DCAF6: variants seen among roughly 807,000 people sequenced by gnomAD.
The protein encoded by DCAF6 is DDB1 and CUL4 associated factor 6.
Under a neutral mutation model 125.1 loss-of-function variants are expected in DCAF6, and 54 were observed. The observed-to-expected ratio is 0.43, with a 90% CI of 0.35 to 0.54. DCAF6 has a LOEUF of 0.54. Ranked by LOEUF, DCAF6 falls within the 20% of genes least tolerant of loss-of-function variation. The pLI is 0.01. For missense variants in DCAF6, 934 were observed against 1,161.7 expected (o/e 0.80, Z 2.85); for synonymous variants, 371 against 390.4 (o/e 0.95, Z 0.58).
chr1:167,952,308 C>T (rs1674083540), intron 2 of DCAF6, among the ~76,000 whole-genome samples: 1 of 152,134 alleles, frequency 6.6e-6, no homozygotes, highest in African/African-American at 2.4e-5. Context: ...AGCTCCGCCT[C>T]CCGGGTTCAC....
At chr1:167,948,812 C>T (rs554040638) in intron 1 of DCAF6, among the ~76,000 whole-genome samples, 7 of 152,142 alleles carry the variant, frequency 4.6e-5, no homozygotes, top group South Asian at 2.1e-4. Flanking sequence ...TCACCACACC[C>T]GGCTAATTTT....
intron 7 of DCAF6, among the ~76,000 whole-genome samples, chr1:167,996,956 C>T (rs1012830424): frequency 6.6e-6 from 1 of 152,132 alleles, no homozygotes; most frequent in Non-Finnish European, 1.5e-5. Flanking sequence ...TATTTCTCTC[C>T]ATAACAGTAA....
intron 2 of DCAF6, among the ~76,000 whole-genome samples, chr1:167,954,937 C>T (rs1163625735): frequency 1.3e-5 from 2 of 152,178 alleles, no homozygotes; most frequent in Non-Finnish European, 2.9e-5. Context: ...TCACCCTCAA[C>T]CCCAGTCAAC....
At chr1:168,019,483 G>A in intron 11 of DCAF6, 1 of 438,274 alleles carries the variant, frequency 2.3e-6, no homozygotes, top group African/African-American at 2.0e-5. Context: ...GTCCTAAACA[G>A]GTATGGCAGA....
intron 2 of DCAF6, among the ~76,000 whole-genome samples, chr1:167,960,578 A>G (rs1297581732): frequency 6.6e-6 from 1 of 152,184 alleles, no homozygotes. Context: ...GTGGGATTAC[A>G]GGCACTTTAT....
chr1:167,993,249 A>G lies in DCAF6; in HGVS notation c.712A>G (p.Thr238Ala), dbSNP rs767409390. 6.2e-6 allele frequency: 10 copies of G among 1,614,014 alleles called. No homozygotes were observed. The highest frequency in any genetic ancestry group is 3.3e-5 in the Admixed American group (2 of 60,004). ...ATGNYAGRGT[T>A]GMVARFIPSH... The stretch of plus-strand genomic sequence containing the variant: ...AGGGAATTATGCAGGTCGAGGGACT[A>G]CTGGAATGGTTGCCCGTTTTATTCC... The change falls in exon 7 of 22, where the codon ACT becomes GCT. Residue 238 changes from threonine (T) to alanine (A), a missense_variant. Around this residue, in one of 5 missense-constraint regions of DCAF6, gnomAD observed 309 missense variants for 381.2 expected, o/e 0.81. Coordinates refer to ENST00000367840, the MANE Select transcript of DCAF6 (RefSeq NM_001198956.2).
chr1:167,957,884 A>G (rs947282853), intron 2 of DCAF6, among the ~76,000 whole-genome samples: 2 of 152,130 alleles, frequency 1.3e-5, no homozygotes, highest in Non-Finnish European at 1.5e-5. Context: ...TCTGATGACT[A>G]ATGATGTTGA....
the DCAF6 span, among the ~76,000 whole-genome samples, chr1:167,878,096 C>T: frequency 2.6e-5 from 4 of 152,146 alleles, no homozygotes; most frequent in Admixed American, 6.5e-5. Context: ...AACAATGCCT[C>T]GGCATACAGT....
At chr1:167,928,303 G>A in the DCAF6 span, among the ~76,000 whole-genome samples, 1 of 146,374 alleles carries the variant, frequency 6.8e-6, no homozygotes, top group East Asian at 2.0e-4. Context: ...AGCCGAGATC[G>A]CACCACTGCA....
chr1:168,068,323 A>G, intron 20 of DCAF6, 35 bp from the exon 21 acceptor site: 1 of 1,467,424 alleles, frequency 6.8e-7, no homozygotes, highest in Non-Finnish European at 9.5e-7. Flanking sequence ...CAGTTACTTT[A>G]TGATCTTTGA....
chr1:167,999,322 T>C (rs1682242465), intron 7 of DCAF6, among the ~76,000 whole-genome samples: 1 of 152,170 alleles, frequency 6.6e-6, no homozygotes, highest in South Asian at 2.1e-4. Context: ...AACATAATTC[T>C]TAAGGGCCTT....
At chr1:167,901,854 T>A in the DCAF6 span, 1 of 1,613,890 alleles carries the variant, frequency 6.2e-7, no homozygotes, top group Non-Finnish European at 8.5e-7. Flanking sequence ...TGGGGATCAA[T>A]CTATTTTGTA....
chr1:168,061,524 T>C (rs1691593353), intron 17 of DCAF6, among the ~76,000 whole-genome samples: 1 of 152,178 alleles, frequency 6.6e-6, no homozygotes, highest in African/African-American at 2.4e-5. Context: ...ATGTGGTTTA[T>C]GGATCATTCA....
the DCAF6 span, chr1:167,883,374 T>TA: frequency 5.4e-5 from 85 of 1,559,908 alleles, no homozygotes; most frequent in Non-Finnish European, 7.3e-5. Flanking sequence ...CTCACCAATG[T>TA]GCTTGTCCAT....
chr1:167,920,210 A>G, the DCAF6 span: 1 of 652,096 alleles, frequency 1.5e-6, no homozygotes, highest in Admixed American at 3.2e-5. Flanking sequence ...AAGAAATGCT[A>G]TACTCTGAAT....
chr1:167,965,619 G>A (rs1415456389), intron 2 of DCAF6, among the ~76,000 whole-genome samples: 1 of 152,030 alleles, frequency 6.6e-6, no homozygotes, highest in African/African-American at 2.4e-5. Context: ...CCGCATGACT[G>A]GGTTCCCTGG....
the DCAF6 span, among the ~76,000 whole-genome samples, chr1:167,910,475 G>A: frequency 0.017 from 2,540 of 152,276 alleles, 63 homozygotes; most frequent in African/African-American, 0.058. Context: ...AGTGGTGGAC[G>A]TGGGCTAAGT....
At chr1:167,940,838 G>A (rs1019002016) in intron 1 of DCAF6, among the ~76,000 whole-genome samples, 4 of 152,136 alleles carry the variant, frequency 2.6e-5, no homozygotes, top group Non-Finnish European at 4.4e-5. Context: ...TCTCAAGGGA[G>A]TTATTTATTA....
intron 10 of DCAF6, among the ~76,000 whole-genome samples, chr1:168,005,124 T>C (rs1683173999): frequency 6.6e-6 from 1 of 152,164 alleles, no homozygotes; most frequent in African/African-American, 2.4e-5. Context: ...CTAGATTTAT[T>C]TGGTTTTATG....
Sources: allele counts gnomAD v4.1 joint callset (sites outside exome capture counted in the v4.1 genomes callset), GRCh38; gene constraint gnomAD v4.1.1; regional missense constraint gnomAD v4.1.1; transcripts MANE v1.5; gene names NCBI Gene and HGNC (gene_info 2026-07-23, HGNC 2026-07-21).